SEMA6D: variants seen among roughly 807,000 people sequenced by gnomAD.
SEMA6D encodes the protein semaphorin-6D.
In SEMA6D, 35 loss-of-function variants were observed where a neutral mutation model predicts 106.6. The observed-to-expected ratio is 0.33, with a 90% confidence interval of 0.25 to 0.44. The LOEUF (loss-of-function observed/expected upper bound fraction) is 0.44. Ranked by LOEUF, SEMA6D falls within the 20% of genes least tolerant of loss-of-function variation. SEMA6D has a pLI of 1.00. For synonymous variants in SEMA6D, 499 were observed against 487.7 expected (o/e 1.02, Z -0.31); for missense variants, 1,185 against 1,345.9 (o/e 0.88, Z 1.87).
At chr15:47,330,252 G>C (rs1406997469) in intron 1 of SEMA6D, among the ~76,000 whole-genome samples, 2 of 152,174 alleles carry the variant, frequency 1.3e-5, no homozygotes, top group Non-Finnish European at 2.9e-5. Flanking sequence ...CTGTATGTAT[G>C]TATTTCTAAG....
intron 3 of SEMA6D, among the ~76,000 whole-genome samples, chr15:47,484,304 C>T (rs1473095104): frequency 1.3e-5 from 2 of 152,114 alleles, no homozygotes; most frequent in African/African-American, 2.4e-5. Flanking sequence ...TCAGCAGGAA[C>T]AGTGCGGAGG....
At chr15:47,234,150 T>C (rs2032392588) in intron 1 of SEMA6D, among the ~76,000 whole-genome samples, 1 of 151,850 alleles carries the variant, frequency 6.6e-6, no homozygotes, top group Admixed American at 6.6e-5. Context: ...GTCTGACATA[T>C]TTCTGGGATC....
intron 1 of SEMA6D, among the ~76,000 whole-genome samples, chr15:47,400,499 A>T (rs2040363904): frequency 6.6e-6 from 1 of 152,116 alleles, no homozygotes; most frequent in Admixed American, 6.6e-5. Context: ...AAAAAAAAAA[A>T]AAAATCCTTC....
intron 1 of SEMA6D, among the ~76,000 whole-genome samples, chr15:47,746,199 C>T (rs2081122771): frequency 6.6e-6 from 1 of 152,184 alleles, no homozygotes; most frequent in African/African-American, 2.4e-5. Flanking sequence ...AGTTTTAACC[C>T]TTCTGTAAAC....
chr15:47,360,852 C>A (rs1373195096), intron 1 of SEMA6D, among the ~76,000 whole-genome samples: 1 of 152,168 alleles, frequency 6.6e-6, no homozygotes, highest in Non-Finnish European at 1.5e-5. Context: ...TCACAGGAAA[C>A]CATATACTGG....
At chr15:47,696,234 C>A (rs1219850845) in intron 4 of SEMA6D, among the ~76,000 whole-genome samples, 1 of 152,032 alleles carries the variant, frequency 6.6e-6, no homozygotes, top group Non-Finnish European at 1.5e-5. Flanking sequence ...TCAAATCCAC[C>A]CATTTATAGT....
At chr15:47,460,116 C>T (rs772215647) in intron 2 of SEMA6D, among the ~76,000 whole-genome samples, 1 of 151,962 alleles carries the variant, frequency 6.6e-6, no homozygotes, top group Non-Finnish European at 1.5e-5. Context: ...AGCCATCCCA[C>T]CACTGTGTCT....
chr15:47,311,194 G>A (rs369163980), intron 1 of SEMA6D, among the ~76,000 whole-genome samples: 2 of 152,094 alleles, frequency 1.3e-5, no homozygotes, highest in Non-Finnish European at 2.9e-5. Context: ...TGTTTATTTA[G>A]GCAGCAAGAA....
At position 47,500,537 on chromosome 15, in the gene SEMA6D, T is replaced by C. The variant is rs1169301874; in HGVS notation, c.-87+29992T>C. ...ACATCATACAAATTTTCTTCTCCAC[T>C]GTCTTTAAAATACCCTACTAGCCAG... On this transcript the variant is annotated intron_variant, in intron 3 of 19. Transcript: ENST00000558014. Among the ~76,000 whole-genome samples, 7 of 152,300 alleles carry C rather than the reference T, an allele frequency of 4.6e-5. No homozygotes were observed. In the East Asian group the frequency reaches 5.8e-4, roughly 13 times the overall value.
chr15:47,200,298 A>G (rs1278905495), intron 1 of SEMA6D, among the ~76,000 whole-genome samples: 1 of 152,180 alleles, frequency 6.6e-6, no homozygotes, highest in African/African-American at 2.4e-5. Context: ...GACCAACTAT[A>G]TTTGTGAAAA....
At chr15:47,654,898 C>T (rs1258460435) in intron 4 of SEMA6D, among the ~76,000 whole-genome samples, 1 of 152,198 alleles carries the variant, frequency 6.6e-6, no homozygotes, top group Non-Finnish European at 1.5e-5. Context: ...ATCAGTTACT[C>T]AGTCTCACAT....
At chr15:47,490,624 AAC>A (rs1180963887) in intron 3 of SEMA6D, among the ~76,000 whole-genome samples, 2 of 152,192 alleles carry the variant, frequency 1.3e-5, no homozygotes, top group Admixed American at 6.5e-5. Flanking sequence ...CAGCCTGGGC[AAC>A]AGAGTAAGGC....
At chr15:47,761,858 A>G in intron 7 of SEMA6D, 107 bp downstream of exon 7, 2 of 952,008 alleles carry the variant, frequency 2.1e-6, no homozygotes, top group Non-Finnish European at 3.1e-6. Flanking sequence ...ACCTTGATCT[A>G]AGTGTTCGAA....
At chr15:47,395,227 G>A (rs1343188002) in intron 1 of SEMA6D, among the ~76,000 whole-genome samples, 1 of 152,188 alleles carries the variant, frequency 6.6e-6, no homozygotes, top group African/African-American at 2.4e-5. Context: ...TGAGGGGGAA[G>A]AGATTTTCTT....
At chr15:47,443,314 G>A (rs2140820587) in intron 2 of SEMA6D, among the ~76,000 whole-genome samples, 1 of 152,230 alleles carries the variant, frequency 6.6e-6, no homozygotes, top group African/African-American at 2.4e-5. Context: ...TTGAGGCTAG[G>A]TTGTAAGATG....
intron 1 of SEMA6D, among the ~76,000 whole-genome samples, chr15:47,200,307 A>G (rs1209937421): frequency 6.6e-6 from 1 of 152,146 alleles, no homozygotes; most frequent in Non-Finnish European, 1.5e-5. Flanking sequence ...TATTTGTGAA[A>G]AGTGTTACAA....
At chr15:47,680,804 A>G (rs2078336805) in intron 4 of SEMA6D, among the ~76,000 whole-genome samples, 1 of 152,250 alleles carries the variant, frequency 6.6e-6, no homozygotes, top group African/African-American at 2.4e-5. Context: ...TTCACCAAAG[A>G]AGACATACAA....
intron 1 of SEMA6D, among the ~76,000 whole-genome samples, chr15:47,368,460 C>CTTTATTTA (rs201137984): frequency 7.1e-6 from 1 of 141,256 alleles, no homozygotes; most frequent in Admixed American, 7.4e-5. Context: ...GAAAATTAGC[C>CTTTATTTA]TTTATTTATT....
chr15:47,631,372 A>C (rs2144510989), intron 4 of SEMA6D, among the ~76,000 whole-genome samples: 1 of 151,876 alleles, frequency 6.6e-6, no homozygotes, highest in African/African-American at 2.4e-5. Context: ...ATGAGTATAA[A>C]GTTATCTGCT....
Sources: gnomAD v4.1 joint callset for allele counts (sites outside exome capture counted in the v4.1 genomes callset) on GRCh38, gnomAD v4.1.1 for gene constraint, MANE v1.5 for transcripts, NCBI Gene and HGNC (gene_info 2026-07-23, HGNC 2026-07-21) for gene names.